GNAS-AS1: variants seen among roughly 807,000 people sequenced by gnomAD.
The protein encoded by GNAS-AS1 is GNAS antisense RNA 1 (non-protein coding).
chr20:58,824,813 A>G (rs1033556921), intron 4 of GNAS-AS1, among the ~76,000 whole-genome samples: 10 of 152,222 alleles, frequency 6.6e-5, no homozygotes, highest in South Asian at 2.1e-4. Flanking sequence ...TGAAGAGAGC[A>G]TTGTACTTTC....
intron 4 of GNAS-AS1, among the ~76,000 whole-genome samples, chr20:58,819,870 C>T (rs13042263): frequency 0.32 from 48,363 of 152,154 alleles, 8,744 homozygotes; most frequent in East Asian, 0.64. Context: ...CAGGTGACCA[C>T]GACCTCAGTG....
Position 58,826,863 on chromosome 20 carries a change from C to CTTTTTTTTTTTTTTTTTTTTTTTTTTT in GNAS-AS1, n.820-7609_820-7608insAAAAAAAAAAAAAAAAAAAAAAAAAAA, listed in dbSNP as rs57146714. The CTTTTTTTTTTTTTTTTTTTTTTTTTTT allele has an allele frequency of 2.9e-4, 25 of 85,748 alleles. 1 individual carries two copies. Among genetic ancestry groups the CTTTTTTTTTTTTTTTTTTTTTTTTTTT allele is most frequent in the Non-Finnish European group, 4.1e-4 (19 of 46,394 alleles). 5.3% of individuals were successfully genotyped at this position (85,748 alleles called of 1,614,324 possible). ...TACAGGCGCGCGCCACCATGCCTGG[C>CTTTTTTTTTTTTTTTTTTTTTTTTTTT]TTTTTTTTTTTTTTTTTTTTTGTAT... On this transcript the variant is annotated intron_variant and non_coding_transcript_variant, in intron 4 of 4. Coordinates refer to ENST00000424094, the Ensembl canonical transcript of GNAS-AS1.
intron 2 of GNAS-AS1, among the ~76,000 whole-genome samples, chr20:58,846,511 T>G (rs544980382): frequency 6.6e-6 from 1 of 152,270 alleles, no homozygotes; most frequent in African/African-American, 2.4e-5. Context: ...ATTGCTACAC[T>G]CAAAGAGAAA....
intron 4 of GNAS-AS1, among the ~76,000 whole-genome samples, chr20:58,835,848 A>G (rs1213038292): frequency 1.3e-5 from 2 of 152,218 alleles, no homozygotes; most frequent in Non-Finnish European, 2.9e-5. Flanking sequence ...AAAGAGAACC[A>G]ATGTAATTAA....
intron 4 of GNAS-AS1, chr20:58,826,757 C>T (rs1333141071): frequency 1.3e-5 from 2 of 151,786 alleles, no homozygotes; most frequent in South Asian, 2.1e-4. Flanking sequence ...CACTCTGCCA[C>T]CCAGGCTGGA....
chr20:58,834,758 T>G (rs1290325919), intron 4 of GNAS-AS1: 2 of 152,182 alleles, frequency 1.3e-5, no homozygotes, highest in African/African-American at 4.8e-5. Context: ...AGGGAGCTCC[T>G]GGGAAGACAG....
At chr20:58,834,844 C>T (rs1381667678) in intron 4 of GNAS-AS1, among the ~76,000 whole-genome samples, 1 of 152,186 alleles carries the variant, frequency 6.6e-6, no homozygotes, top group Non-Finnish European at 1.5e-5. Context: ...GGCACAAATA[C>T]AGTATTGTAA....
chr20:58,826,146 A>G, intron 4 of GNAS-AS1: 1 of 398,644 alleles, frequency 2.5e-6, no homozygotes, highest in Non-Finnish European at 4.4e-6. Flanking sequence ...GTCTATTTAA[A>G]AATAGTGGGA....
At chr20:58,825,029 C>T (rs968129487) in intron 4 of GNAS-AS1, among the ~76,000 whole-genome samples, 10 of 152,182 alleles carry the variant, frequency 6.6e-5, no homozygotes, top group Non-Finnish European at 8.8e-5. Flanking sequence ...ACAGCTCTAC[C>T]GACTGTCTCT....
chr20:58,829,608 C>T (rs2085541317), intron 4 of GNAS-AS1, among the ~76,000 whole-genome samples: 1 of 152,240 alleles, frequency 6.6e-6, no homozygotes, highest in Admixed American at 6.5e-5. Flanking sequence ...CTATTCCTCG[C>T]TTGGAACTGC....
chr20:58,830,973 C>T (rs1204103037), intron 4 of GNAS-AS1, among the ~76,000 whole-genome samples: 1 of 152,146 alleles, frequency 6.6e-6, no homozygotes, highest in Admixed American at 6.5e-5. Flanking sequence ...GAGGGTGCCC[C>T]CATTTCACCC....
exon 5 of GNAS-AS1, chr20:58,819,142 G>A (rs1275526633): frequency 1.8e-5 from 7 of 398,534 alleles, no homozygotes; most frequent in Admixed American, 8.8e-5. Flanking sequence ...CTCCCATCTA[G>A]AAGAGGTTGA....
intron 1 of GNAS-AS1, among the ~76,000 whole-genome samples, chr20:58,849,475 A>G (rs765115970): frequency 1.3e-5 from 2 of 152,202 alleles, no homozygotes; most frequent in African/African-American, 2.4e-5. Context: ...ACGATTGCCA[A>G]TTTGAATGTG....
At chr20:58,837,687 C>T (rs2085613346) in intron 4 of GNAS-AS1, among the ~76,000 whole-genome samples, 2 of 152,226 alleles carry the variant, frequency 1.3e-5, no homozygotes, top group African/African-American at 4.8e-5. Flanking sequence ...AAGTGACCCA[C>T]CCGCCTCGGC....
chr20:58,840,260 G>A lies in GNAS-AS1; in HGVS notation n.819+1677C>T, dbSNP rs776589538. ...CGCCCTTGCCACCTCCAACGCCCGT[G>A]CCCAGCAGCGCGCGGCTGCCCAACA... On this transcript the variant is annotated intron_variant and non_coding_transcript_variant, in intron 4 of 4. Transcript: ENST00000424094. This position sits in a 1 kb window ranked among gnomAD's most constrained non-coding sequence, Gnocchi z 6.0. 1.2e-6 allele frequency: 2 copies of A among 1,611,624 alleles called. No homozygotes were observed. Among genetic ancestry groups the A allele is most frequent in the Non-Finnish European group, 1.7e-6 (2 of 1,179,874 alleles).
chr20:58,850,473 C>G (rs2086114678), intron 1 of GNAS-AS1: 1 of 398,050 alleles, frequency 2.5e-6, no homozygotes, highest in Non-Finnish European at 4.4e-6. Context: ...AAGCAAACAA[C>G]CCCTTTGGAG....
intron 4 of GNAS-AS1, among the ~76,000 whole-genome samples, chr20:58,822,331 C>CA: frequency 6.6e-6 from 1 of 152,314 alleles, no homozygotes; most frequent in East Asian, 1.9e-4. Flanking sequence ...AGGCCCCACT[C>CA]AGAGATGAGT....
intron 4 of GNAS-AS1, among the ~76,000 whole-genome samples, chr20:58,830,845 T>C (rs2085564679): frequency 6.6e-6 from 1 of 151,808 alleles, no homozygotes; most frequent in Non-Finnish European, 1.5e-5. Flanking sequence ...GTTTCTCACC[T>C]CCAAACTTTC....
At chr20:58,831,946 C>T (rs2085571201) in intron 4 of GNAS-AS1, among the ~76,000 whole-genome samples, 2 of 152,170 alleles carry the variant, frequency 1.3e-5, no homozygotes, top group South Asian at 4.1e-4. Context: ...TTCGTTTTCT[C>T]ATTTCACTGT....
Sources: gnomAD v4.1 joint callset for allele counts (sites outside exome capture counted in the v4.1 genomes callset) on GRCh38, gnomAD v4.1.1 for gene constraint, Gnocchi (gnomAD v3.1) non-coding constraint, MANE v1.5 for transcripts, NCBI Gene and HGNC (gene_info 2026-07-23, HGNC 2026-07-21) for gene names.